The following MAP2K7 variants were observed in gnomAD, a reference collection of about 807,000 sequenced individuals.
MAP2K7 encodes mitogen-activated protein kinase kinase 7, also known as dual specificity mitogen-activated protein kinase kinase 7.
Under a neutral mutation model 47.7 loss-of-function variants are expected in MAP2K7, and 12 were observed. The observed-to-expected ratio is 0.25, with a 90% CI of 0.16 to 0.41. The LOEUF (loss-of-function observed/expected upper bound fraction) is 0.41, where lower values mean the gene tolerates loss of function less well. MAP2K7 is among the 10% of genes least tolerant of loss of function. The pLI, the probability that MAP2K7 is intolerant of heterozygous loss-of-function variation, is 1.00. For missense variants in MAP2K7, 415 were observed against 600.3 expected (o/e 0.69, Z 3.23); for synonymous variants, 299 against 243.0 (o/e 1.23, Z -2.14).
chr19:7,904,928 C>T (rs556381949), intron 1 of MAP2K7, among the ~76,000 whole-genome samples: 1 of 152,030 alleles, frequency 6.6e-6, no homozygotes, highest in East Asian at 1.9e-4. Flanking sequence ...CCGCCGCGCC[C>T]CAGCATACAT....
At chr19:7,906,030 T>C (rs561122594) in intron 1 of MAP2K7, 2 of 645,506 alleles carry the variant, frequency 3.1e-6, no homozygotes, top group South Asian at 3.5e-5. Flanking sequence ...CAGCCCAGCC[T>C]CCTCTGCGTC....
rs28395772 is a variant in MAP2K7, at chr19:7,910,400, C to T, written c.447+27C>T. On this transcript the variant is annotated intron_variant, in intron 4 of 10. Transcript: ENST00000397979. ...TGAGCCTTGGCGGCTACCCCGGCTG[C>T]GCCCCACACCCCAGGCCGGTGCTGA... 4.8e-4 allele frequency: 777 copies of T among 1,605,284 alleles called. 4 individuals are homozygous for T. The African/African-American group carries it at 8.4e-3, about 17-fold the overall frequency.
In MAP2K7 at chr19:7,910,686, C is replaced by A; in HGVS notation, c.568-10C>A. 3 of 1,607,402 alleles carry A rather than the reference C, an allele frequency of 1.9e-6. No homozygotes were observed. Among genetic ancestry groups the A allele is most frequent in the Non-Finnish European group, 1.7e-6 (2 of 1,176,062 alleles). ...AGACACAGCTCCCCCGGGTGCCCCT[C>A]TCCCTGCAGACGGACGTCTTCATCG... On this transcript the variant is annotated splice_polypyrimidine_tract_variant and intron_variant, in intron 5 of 10. Transcript: ENST00000397979.
Position 7,913,234 on chromosome 19 carries a change from C to G in MAP2K7, c.*803C>G, listed in dbSNP as rs974900966. ...CTTGTGGTGGGGCCCCAACCGCCCTCGGGCACTGGGGAGCTGGGCTGGGGC... is the reference window on the plus strand; with the variant it reads ...CTTGTGGTGGGGCCCCAACCGCCCTGGGGCACTGGGGAGCTGGGCTGGGGC... On this transcript the variant is annotated 3_prime_UTR_variant, in exon 11 of 11. Coordinates refer to ENST00000397979, the MANE Select transcript of MAP2K7 (RefSeq NM_145185.4). The G allele has an allele frequency of 2.0e-5, 3 of 152,470 alleles. No homozygotes were observed. The highest frequency in any genetic ancestry group is 4.4e-5 in the Non-Finnish European group (3 of 68,130). 9.4% of individuals were successfully genotyped at this position (152,470 alleles called of 1,614,324 possible).
At position 7,912,662 on chromosome 19, in the gene MAP2K7, T is replaced by C; in HGVS notation, c.*231T>C. On this transcript the variant is annotated 3_prime_UTR_variant, in exon 11 of 11. Transcript: ENST00000397979. ...CGTGTGCGTCCCCCGACAGACACTG[T>C]GAACGGAAGACAGCAGGCCGCGATC... is the stretch of plus-strand genomic sequence containing the variant. 1 of 581,482 alleles carries C rather than the reference T, an allele frequency of 1.7e-6. No individual in the cohort carries two copies. Among genetic ancestry groups the C allele is most frequent in the Non-Finnish European group, 3.0e-6 (1 of 330,144 alleles). 36.0% of individuals were successfully genotyped at this position (581,482 alleles called of 1,614,324 possible).
chr19:7,910,160 G>A, intron 3 of MAP2K7, 31 bp downstream of exon 3: 1 of 1,593,218 alleles, frequency 6.3e-7, no homozygotes, highest in South Asian at 1.1e-5. Flanking sequence ...GGGAGAGGGA[G>A]GAGGCCCAGC....
Position 7,910,719 on chromosome 19 carries a change from G to T in MAP2K7, c.591G>T (p.Glu197Asp). 1 of 1,611,346 alleles carries T rather than the reference G, an allele frequency of 6.2e-7. No individual in the cohort carries two copies. The highest frequency in any genetic ancestry group is 8.5e-7 in the Non-Finnish European group (1 of 1,179,080). Residue 197 changes from glutamate to aspartate, a missense_variant, in exon 6 of 11, where the codon GAG becomes GAT. Physicochemically the swap from Glu to Asp is conservative, Grantham distance 45 (BLOSUM62 2). Around this residue, in one of 3 missense-constraint regions of MAP2K7, gnomAD observed 206 missense variants for 368.8 expected, o/e 0.56. Coordinates refer to ENST00000397979, the MANE Select transcript of MAP2K7 (RefSeq NM_145185.4). The stretch of plus-strand genomic sequence containing the variant: ...AGACGGACGTCTTCATCGCCATGGA[G>T]CTCATGGGCACCTGCGCTGAGAAGC... Reference protein sequence around the residue: ...ITNTDVFIAMELMGTCAEKLK... With the variant: ...ITNTDVFIAMDLMGTCAEKLK...
intron 1 of MAP2K7, chr19:7,906,144 G>A (rs1036480098): frequency 4.1e-6 from 2 of 488,238 alleles, no homozygotes; most frequent in African/African-American, 1.9e-5. Flanking sequence ...CCGGGGGTGG[G>A]GGGGGTGCAC....
Position 7,914,429 on chromosome 19 carries a change from C to G in MAP2K7, c.*1998C>G, listed in dbSNP as rs1045172363. The G allele has an allele frequency of 1.3e-5, 2 of 152,294 alleles. No individual in the cohort carries two copies. Among genetic ancestry groups the G allele is most frequent in the Non-Finnish European group, 2.9e-5 (2 of 68,056 alleles). 9.4% of individuals were successfully genotyped at this position (152,294 alleles called of 1,614,324 possible). On this transcript the variant is annotated 3_prime_UTR_variant, in exon 11 of 11. Transcript: ENST00000397979. Reference sequence around the variant, plus strand: ...GCCCCTTTTTAAAACAAAATGCCCTCGTTTGTAAACCCTTAGACGCTTGAG... The same window carrying G: ...GCCCCTTTTTAAAACAAAATGCCCTGGTTTGTAAACCCTTAGACGCTTGAG...
chr19:7,911,536 A>G lies in MAP2K7; in HGVS notation c.1037A>G (p.His346Arg). ...GAAGAGCCCCCGCTTCTGCCCGGACACATGGGCTTCTCGGGGGACTTCCAG... is the reference window on the plus strand; with the variant it reads ...GAAGAGCCCCCGCTTCTGCCCGGACGCATGGGCTTCTCGGGGGACTTCCAG... The part of the protein sequence containing the change: ...LQEEPPLLPG[H>R]MGFSGDFQSF... Residue 346 changes from histidine to arginine, a missense_variant, in exon 9 of 11, where the codon CAC becomes CGC. Physicochemically the swap from His to Arg is conservative, Grantham distance 29. Coordinates refer to ENST00000397979, the MANE Select transcript of MAP2K7 (RefSeq NM_145185.4). 1 of 1,609,164 alleles carries G rather than the reference A, an allele frequency of 6.2e-7. No individual in the cohort carries two copies. The highest frequency in any genetic ancestry group is 1.1e-5 in the South Asian group (1 of 90,796).
intron 1 of MAP2K7, among the ~76,000 whole-genome samples, chr19:7,909,179 C>G (rs1366090933): frequency 2.0e-5 from 3 of 152,246 alleles, no homozygotes; most frequent in Non-Finnish European, 2.9e-5. Flanking sequence ...TGTCAGCCCA[C>G]TGGCCCGAGG....
intron 1 of MAP2K7, chr19:7,904,520 C>T (rs890936618): frequency 2.1e-5 from 6 of 285,402 alleles, no homozygotes; most frequent in Non-Finnish European, 3.6e-5. Flanking sequence ...TCTACGCACA[C>T]GCGCACGCCT....
chr19:7,904,700 C>T (rs1026370164), intron 1 of MAP2K7, among the ~76,000 whole-genome samples: 8 of 152,092 alleles, frequency 5.3e-5, no homozygotes, highest in East Asian at 1.9e-4. Context: ...GCTCAGCAGA[C>T]CCCCTCCCAC....
rs763734159 is a variant in MAP2K7, at chr19:7,911,549, G to A, written c.1050G>A (p.Ser350=). Residue 350 remains serine (S), a synonymous_variant, in exon 9 of 11, where the codon TCG becomes TCA. Transcript: ENST00000397979. ...TTCTGCCCGGACACATGGGCTTCTC[G>A]GGGGACTTCCAGTCCTTCGTCAAAG... ...PPLLPGHMGF[S]GDFQSFVKDC... 3.1e-5 allele frequency: 49 copies of A among 1,602,900 alleles called. No individual in the cohort carries two copies. Among genetic ancestry groups the A allele is most frequent in the Admixed American group, 2.9e-4 (17 of 59,356 alleles).
chr19:7,912,178 A>C lies in MAP2K7; in HGVS notation c.1109A>C (p.Lys370Thr). The C allele has an allele frequency of 6.2e-7, 1 of 1,614,012 alleles. No homozygotes were observed. Among genetic ancestry groups the C allele is most frequent in the Non-Finnish European group, 8.5e-7 (1 of 1,179,970 alleles). The change falls in exon 10 of 11, where the codon AAG (lysine) becomes ACG (threonine). Residue 370 changes from lysine (K) to threonine (T), a missense_variant. By Grantham distance (78) the Lys-to-Thr change is moderately conservative. Coordinates refer to ENST00000397979, the MANE Select transcript of MAP2K7 (RefSeq NM_145185.4). ...CLTKDHRKRPKYNKLLEHSFI... is the reference protein window; with the variant it reads ...CLTKDHRKRPTYNKLLEHSFI... Reference sequence around the variant, plus strand: ...ACTAAAGATCACAGGAAGAGACCAAAGTATAATAAGCTACTTGTGAGTACC... The same window carrying C: ...ACTAAAGATCACAGGAAGAGACCAACGTATAATAAGCTACTTGTGAGTACC...
intron 9 of MAP2K7, 54 bp downstream of exon 9, chr19:7,911,632 C>G: frequency 6.6e-7 from 1 of 1,510,752 alleles, no homozygotes; most frequent in South Asian, 1.2e-5. Flanking sequence ...CTCTGGGCAG[C>G]TGGGGAGGCA....
Position 7,912,468 on chromosome 19 carries a change from G to T in MAP2K7, c.*37G>T. The stretch of plus-strand genomic sequence containing the variant: ...CGGCCAGCCCCACAGGGGGCCAGGG[G>T]CATGGCCACAGGCCCCCCTCCCCAC... On this transcript the variant is annotated 3_prime_UTR_variant, in exon 11 of 11. Coordinates refer to ENST00000397979, the MANE Select transcript of MAP2K7 (RefSeq NM_145185.4). 1.3e-6 allele frequency: 2 copies of T among 1,584,120 alleles called. No individual in the cohort carries two copies. Among genetic ancestry groups the T allele is most frequent in the Non-Finnish European group, 1.7e-6 (2 of 1,170,094 alleles).
At position 7,911,558 on chromosome 19, in the gene MAP2K7, C is replaced by G; in HGVS notation, c.1059C>G (p.Phe353Leu). The G allele has an allele frequency of 6.3e-7, 1 of 1,598,420 alleles. No individual in the cohort carries two copies. Among genetic ancestry groups the G allele is most frequent in the Non-Finnish European group, 8.5e-7 (1 of 1,171,158 alleles). ...GACACATGGGCTTCTCGGGGGACTT[C>G]CAGTCCTTCGTCAAAGACTGGTGAG... is the stretch of plus-strand genomic sequence containing the variant. ...LPGHMGFSGDFQSFVKDCLTK... is the reference protein window; with the variant it reads ...LPGHMGFSGDLQSFVKDCLTK... Residue 353 changes from phenylalanine (F) to leucine (L), a missense_variant, in exon 9 of 11, where the codon TTC (phenylalanine) becomes TTG (leucine). This residue lies in a region of MAP2K7 where 94 missense variants were observed against 105.2 expected (regional missense o/e 0.89). Transcript: ENST00000397979.
chr19:7,905,804 C>G, intron 1 of MAP2K7: 1 of 1,609,810 alleles, frequency 6.2e-7, no homozygotes, highest in Non-Finnish European at 8.5e-7. Flanking sequence ...TTTTCCCCAT[C>G]CAGTTATTGT....
Sources: allele counts gnomAD v4.1 joint callset (sites outside exome capture counted in the v4.1 genomes callset), GRCh38; gene constraint gnomAD v4.1.1; regional missense constraint gnomAD v4.1.1; transcripts MANE v1.5; gene names NCBI Gene and HGNC (gene_info 2026-07-23, HGNC 2026-07-21).